Variants in SCTR observed in about 807,000 individuals in gnomAD.
The protein encoded by SCTR is pancreatic secretin receptor.
SCTR carries 56 observed loss-of-function variants against 60.8 expected under a neutral mutation model. The ratio of observed to expected loss-of-function variants is 0.92; its 90% CI spans 0.74 to 1.15. The LOEUF is 1.15. Ranked by LOEUF, SCTR falls within the 50% of genes most tolerant of loss-of-function variation. The pLI is 0.00. For missense variants in SCTR, 562 were observed against 550.4 expected (o/e 1.02, Z -0.21); for synonymous variants, 202 against 217.0 (o/e 0.93, Z 0.61).
chr2:119,440,022 G>A lies in SCTR; in HGVS notation c.*95C>T. 1 of 1,317,072 alleles carries A rather than the reference G, an allele frequency of 7.6e-7. No individual in the cohort carries two copies. The highest frequency in any genetic ancestry group is 1.1e-6 in the Non-Finnish European group (1 of 950,848). The allele number at this position is 1,317,072 out of a possible 1,614,324, so 81.6% of individuals were successfully genotyped here. On this transcript the variant is annotated 3_prime_UTR_variant, in exon 13 of 13. Transcript: ENST00000019103. ...CATCTTCAGCTGAAGGAGGACACAG[G>A]GTGTCTGCTGGGAAGACTGGCTGTC...
At chr2:119,510,334 C>T (rs770244059) in intron 1 of SCTR, among the ~76,000 whole-genome samples, 12 of 152,044 alleles carry the variant, frequency 7.9e-5, no homozygotes, top group Non-Finnish European at 1.6e-4. Flanking sequence ...GTGGTGTCCA[C>T]CAGTGTCTGT....
intron 2 of SCTR, among the ~76,000 whole-genome samples, chr2:119,487,971 T>C (rs1368566196): frequency 6.6e-6 from 1 of 152,178 alleles, no homozygotes; most frequent in African/African-American, 2.4e-5. Flanking sequence ...ACACCAGATC[T>C]AGGCCTTGGC....
chr2:119,499,478 A>G (rs1449391821), intron 1 of SCTR, among the ~76,000 whole-genome samples: 1 of 152,092 alleles, frequency 6.6e-6, no homozygotes, highest in African/African-American at 2.4e-5. Flanking sequence ...ATAAAACAAA[A>G]CACAACAAAT....
intron 9 of SCTR, among the ~76,000 whole-genome samples, chr2:119,449,999 A>AGAGG (rs879608272): frequency 8.1e-6 from 1 of 123,780 alleles, no homozygotes; most frequent in Admixed American, 8.4e-5. Flanking sequence ...GAAGGAAGAA[A>AGAGG]GAGGGAGGGA....
In SCTR at chr2:119,478,915, C is replaced by G. The variant is rs199501489; in HGVS notation, c.197G>C (p.Cys66Ser). ...DLGTEQPVPG[C>S]EGMWDNISCW... Reference sequence around the variant, plus strand: ...GCTTATGTTGTCCCACATCCCCTCACAACCTGCCAAGAAAAGCAGCATCAG... The same window carrying G: ...GCTTATGTTGTCCCACATCCCCTCAGAACCTGCCAAGAAAAGCAGCATCAG... Residue 66 changes from cysteine to serine, a missense_variant, in exon 3 of 13, where the codon TGT becomes TCT. Coordinates refer to ENST00000019103, the MANE Select transcript of SCTR (RefSeq NM_002980.3). The G allele has an allele frequency of 6.8e-6, 11 of 1,614,158 alleles. No homozygotes were observed. In the East Asian group the frequency reaches 2.5e-4, roughly 36 times the overall value.
chr2:119,447,863 C>T (rs533556701), intron 10 of SCTR, among the ~76,000 whole-genome samples: 54 of 152,332 alleles, frequency 3.5e-4, no homozygotes, highest in Non-Finnish European at 5.1e-4. Flanking sequence ...TGAGCCACCG[C>T]GCCTGGATGC....
chr2:119,442,694 G>A (rs182202615), intron 11 of SCTR, among the ~76,000 whole-genome samples: 10 of 152,280 alleles, frequency 6.6e-5, no homozygotes, highest in African/African-American at 2.4e-4. Context: ...AACACTCAGG[G>A]CATCGGTTTC....
chr2:119,512,902 C>T (rs985570383), intron 1 of SCTR, among the ~76,000 whole-genome samples: 5 of 152,276 alleles, frequency 3.3e-5, no homozygotes, highest in African/African-American at 1.2e-4. Context: ...AGTTTGTCTC[C>T]TCTTGTCTAC....
chr2:119,524,017 G>C, intron 1 of SCTR, 138 bp downstream of exon 1: 1 of 672,884 alleles, frequency 1.5e-6, no homozygotes, highest in Non-Finnish European at 2.6e-6. Flanking sequence ...AATGTTGGGA[G>C]GATTGGGAGG....
At chr2:119,464,084 G>A in intron 6 of SCTR, 39 bp downstream of exon 6, 1 of 1,611,608 alleles carries the variant, frequency 6.2e-7, no homozygotes, top group African/African-American at 1.3e-5. Context: ...GGGAAGGCAG[G>A]CGGGCCTGGC....
At chr2:119,463,271 A>C (rs1230793985) in intron 6 of SCTR, among the ~76,000 whole-genome samples, 1 of 152,176 alleles carries the variant, frequency 6.6e-6, no homozygotes, top group Non-Finnish European at 1.5e-5. Context: ...CTAGCCAATG[A>C]GATGTAGGTA....
intron 4 of SCTR, among the ~76,000 whole-genome samples, chr2:119,469,517 G>A (rs1676899328): frequency 6.6e-6 from 1 of 152,010 alleles, no homozygotes. Flanking sequence ...TTGAGACAGG[G>A]TCTCACTCTG....
intron 1 of SCTR, among the ~76,000 whole-genome samples, chr2:119,505,630 C>T (rs1445929126): frequency 1.3e-5 from 2 of 150,638 alleles, no homozygotes; most frequent in Non-Finnish European, 2.9e-5. Flanking sequence ...ACCGCATGTT[C>T]GCACTCATAG....
At chr2:119,508,324 C>G (rs1678818098) in intron 1 of SCTR, among the ~76,000 whole-genome samples, 1 of 149,796 alleles carries the variant, frequency 6.7e-6, no homozygotes, top group South Asian at 2.1e-4. Flanking sequence ...CACATTCCAT[C>G]ATATTCTCTT....
At chr2:119,445,918 T>C (rs1573788080) in intron 11 of SCTR, among the ~76,000 whole-genome samples, 1 of 152,240 alleles carries the variant, frequency 6.6e-6, no homozygotes, top group South Asian at 2.1e-4. Context: ...TGATCCTTCA[T>C]CGACTTATTT....
intron 1 of SCTR, among the ~76,000 whole-genome samples, chr2:119,510,138 C>T (rs1678884832): frequency 6.6e-6 from 1 of 151,086 alleles, no homozygotes; most frequent in Non-Finnish European, 1.5e-5. Context: ...CTCCCCCAGC[C>T]CCCTACCCCC....
rs751678260 is a variant in SCTR, at chr2:119,464,122, C to T, written c.636+1G>A. On this transcript the variant is annotated splice_donor_variant, in intron 6 of 12. Coordinates refer to ENST00000019103, the MANE Select transcript of SCTR (RefSeq NM_002980.3). LOFTEE classifies it high-confidence loss of function. ...CATCCTGGGGCACCCAGACATATTA[C>T]CCTGTGGGCATCGCAGTAGGTGACA... The T allele has an allele frequency of 3.7e-5, 59 of 1,613,994 alleles. No homozygotes were observed. Among genetic ancestry groups the T allele is most frequent in the Admixed American group, 2.0e-4 (12 of 60,008 alleles).
chr2:119,481,806 C>T (rs986857684), intron 2 of SCTR, among the ~76,000 whole-genome samples: 2 of 152,228 alleles, frequency 1.3e-5, no homozygotes, highest in Admixed American at 6.5e-5. Flanking sequence ...CAGCTGGAAC[C>T]ACTGCCTCCC....
In SCTR at chr2:119,440,214, C is replaced by A. The variant is rs143372231; in HGVS notation, c.1226G>T (p.Arg409Leu). Residue 409 changes from arginine (R) to leucine (L), a missense_variant, in exon 13 of 13, where the codon CGT becomes CTT. By Grantham distance (102) the Arg-to-Leu change is moderately radical. Coordinates refer to ENST00000019103, the MANE Select transcript of SCTR (RefSeq NM_002980.3). ...VQKKWQQWHL[R>L]EFPLHPVASF... The stretch of plus-strand genomic sequence containing the variant: ...GGCCACGGGGTGCAGTGGGAACTCA[C>A]GGAGGTGCCATTGCTGCCACTTCTT... 6.2e-7 allele frequency: 1 copy of A among 1,614,066 alleles called. No individual in the cohort carries two copies. Among genetic ancestry groups the A allele is most frequent in the Admixed American group, 1.7e-5 (1 of 60,022 alleles).
Sources: allele counts gnomAD v4.1 joint callset (sites outside exome capture counted in the v4.1 genomes callset), GRCh38; gene constraint gnomAD v4.1.1; transcripts MANE v1.5; gene names NCBI Gene and HGNC (gene_info 2026-07-23, HGNC 2026-07-21).